Variants in WWTR1 observed in about 807,000 individuals in gnomAD.
The protein encoded by WWTR1 is WW domain-containing transcription regulator protein 1.
In WWTR1, 13 loss-of-function variants were observed where a neutral mutation model predicts 40.1. That is an observed-to-expected ratio of 0.32 (90% CI 0.21 to 0.52). WWTR1 has a LOEUF of 0.52. WWTR1 is among the 20% of genes least tolerant of loss of function. WWTR1 has a pLI of 0.97. For missense variants in WWTR1, 436 were observed against 523.1 expected (o/e 0.83, Z 1.63); for synonymous variants, 230 against 210.1 (o/e 1.09, Z -0.82).
chr3:149,594,949 ACTT>A (rs1334139425), intron 2 of WWTR1, among the ~76,000 whole-genome samples: 19 of 52,922 alleles, frequency 3.6e-4, no homozygotes, highest in African/African-American at 1.6e-3. Context: ...CCTCTTTTTT[ACTT>A]TTTTTTTTTT....
intron 2 of WWTR1, among the ~76,000 whole-genome samples, chr3:149,614,675 A>G (rs1298766683): frequency 6.6e-6 from 1 of 152,204 alleles, no homozygotes; most frequent in Non-Finnish European, 1.5e-5. Context: ...ACATCTTTCA[A>G]AAGGAGACAT....
intron 2 of WWTR1, among the ~76,000 whole-genome samples, chr3:149,616,091 T>C (rs1232887788): frequency 1.3e-5 from 2 of 152,042 alleles, no homozygotes; most frequent in Admixed American, 6.6e-5. Flanking sequence ...TCCAACAAGG[T>C]TCAAATAAGC....
At chr3:149,645,052 C>T (rs1015040357) in intron 2 of WWTR1, among the ~76,000 whole-genome samples, 2 of 151,772 alleles carry the variant, frequency 1.3e-5, no homozygotes, top group East Asian at 1.9e-4. Flanking sequence ...GGGGTTTCAC[C>T]ATGTTGGCCA....
chr3:149,575,948 G>A (rs184801331), intron 2 of WWTR1: 47 of 456,502 alleles, frequency 1.0e-4, no homozygotes, highest in African/African-American at 8.2e-4. Context: ...GAGCCTCCAC[G>A]GCCCACCCTT....
chr3:149,586,340 G>A (rs950627874), intron 2 of WWTR1, among the ~76,000 whole-genome samples: 4 of 151,630 alleles, frequency 2.6e-5, no homozygotes, highest in South Asian at 2.1e-4. Flanking sequence ...GTAATCCTTT[G>A]GCTGGTCACT....
intron 2 of WWTR1, among the ~76,000 whole-genome samples, chr3:149,617,577 A>G (rs1376900406): frequency 6.6e-6 from 1 of 152,184 alleles, no homozygotes; most frequent in Non-Finnish European, 1.5e-5. Context: ...AGGCAGGGGG[A>G]TTACCTGAGG....
chr3:149,709,738 C>T (rs750938753), intron 5 of WWTR1, among the ~76,000 whole-genome samples: 25 of 152,084 alleles, frequency 1.6e-4, no homozygotes, highest in Non-Finnish European at 2.6e-4. Context: ...AATCCTGTCT[C>T]TACTAAAAAT....
At chr3:149,533,601 T>G (rs893085500) in intron 4 of WWTR1, among the ~76,000 whole-genome samples, 1 of 152,214 alleles carries the variant, frequency 6.6e-6, no homozygotes, top group Non-Finnish European at 1.5e-5. Context: ...AGTTGGGGTT[T>G]AAGTTGGGGT....
intron 2 of WWTR1, among the ~76,000 whole-genome samples, chr3:149,603,028 A>G (rs969760953): frequency 1.1e-4 from 16 of 152,142 alleles, no homozygotes; most frequent in African/African-American, 3.6e-4. Context: ...GCTTCTTTCT[A>G]CTCTAGGTTT....
chr3:149,639,959 A>C (rs1712056637), intron 2 of WWTR1, among the ~76,000 whole-genome samples: 1 of 141,726 alleles, frequency 7.1e-6, no homozygotes, highest in Admixed American at 7.8e-5. Flanking sequence ...GTGCCACTGC[A>C]CTCCAGCCTG....
chr3:149,566,267 T>C (rs1737323179), intron 3 of WWTR1, among the ~76,000 whole-genome samples: 1 of 152,198 alleles, frequency 6.6e-6, no homozygotes, highest in African/African-American at 2.4e-5. Flanking sequence ...TTTCCCCCTG[T>C]CCTGTGCCCA....
chr3:149,552,381 C>A (rs1234250963), intron 3 of WWTR1, among the ~76,000 whole-genome samples: 1 of 152,142 alleles, frequency 6.6e-6, no homozygotes, highest in Non-Finnish European at 1.5e-5. Flanking sequence ...AAATTGGTAA[C>A]AAAATATCAG....
intron 2 of WWTR1, among the ~76,000 whole-genome samples, chr3:149,614,070 G>T (rs1022154559): frequency 6.6e-6 from 1 of 152,290 alleles, no homozygotes. Flanking sequence ...CTTTTGAGGG[G>T]TCTTGCTTGA....
intron 2 of WWTR1, among the ~76,000 whole-genome samples, chr3:149,590,401 G>A (rs1738637949): frequency 1.3e-5 from 2 of 152,142 alleles, no homozygotes; most frequent in Non-Finnish European, 2.9e-5. Context: ...TGTAATCCCA[G>A]CACTTTGGGA....
At chr3:149,670,286 G>A (rs562271051) in intron 1 of WWTR1, among the ~76,000 whole-genome samples, 10 of 152,300 alleles carry the variant, frequency 6.6e-5, no homozygotes, top group African/African-American at 2.4e-4. Flanking sequence ...CACACAGGCT[G>A]ACTTCTCCAT....
chr3:149,664,396 T>C (rs1359972551), intron 2 of WWTR1, among the ~76,000 whole-genome samples: 6 of 152,180 alleles, frequency 3.9e-5, no homozygotes, highest in Admixed American at 3.9e-4. Flanking sequence ...ATTTACCATA[T>C]CCCAAGTGTT....
chr3:149,679,899 G>A (rs748899081), intron 1 of WWTR1, among the ~76,000 whole-genome samples: 3 of 152,192 alleles, frequency 2.0e-5, no homozygotes, highest in African/African-American at 4.8e-5. Context: ...ATTGGAAGCC[G>A]ATGGCGTCCT....
intron 1 of WWTR1, among the ~76,000 whole-genome samples, chr3:149,681,056 A>G (rs117620091): frequency 2.6e-5 from 4 of 152,220 alleles, no homozygotes; most frequent in Non-Finnish European, 5.9e-5. Context: ...CTTTCAATAC[A>G]AGAAGTAGAA....
At chr3:149,567,787 A>G (rs528362575) in intron 3 of WWTR1, among the ~76,000 whole-genome samples, 1 of 152,346 alleles carries the variant, frequency 6.6e-6, no homozygotes, top group East Asian at 1.9e-4. Flanking sequence ...GATAAGGAAA[A>G]TGAGACTCAG....
Sources: allele counts gnomAD v4.1 joint callset (sites outside exome capture counted in the v4.1 genomes callset), GRCh38; gene constraint gnomAD v4.1.1; transcripts MANE v1.5; gene names NCBI Gene and HGNC (gene_info 2026-07-23, HGNC 2026-07-21).